CCDC91: variants seen among roughly 807,000 people sequenced by gnomAD.
The protein encoded by CCDC91 is coiled-coil domain containing 91.
In CCDC91, 48 loss-of-function variants were observed where a neutral mutation model predicts 63.2. That is an observed-to-expected ratio of 0.76 (90% CI 0.60 to 0.97). The LOEUF (loss-of-function observed/expected upper bound fraction) is 0.97. CCDC91 is among the 50% of genes least tolerant of loss of function. The pLI, the probability that CCDC91 is intolerant of heterozygous loss-of-function variation, is 0.00. For synonymous variants in CCDC91, 167 were observed against 165.8 expected, an observed-to-expected ratio of 1.01 and a Z score of -0.06; for missense variants, 500 against 494.6, an observed-to-expected ratio of 1.01 and a Z score of -0.10.
At chr12:28,288,286 C>G (rs1411295538) in intron 3 of CCDC91, among the ~76,000 whole-genome samples, 1 of 152,142 alleles carries the variant, frequency 6.6e-6, no homozygotes, top group African/African-American at 2.4e-5. Flanking sequence ...TGCTGGATTT[C>G]AAGGGAAATG....
intron 9 of CCDC91, 32 bp from the exon 10 acceptor site, chr12:28,450,318 A>G: frequency 6.3e-7 from 1 of 1,593,818 alleles, no homozygotes. Context: ...TAATACATTT[A>G]ATGTCTTTCC....
chr12:28,409,174 T>C (rs1947158124), intron 8 of CCDC91, among the ~76,000 whole-genome samples: 1 of 152,216 alleles, frequency 6.6e-6, no homozygotes, highest in African/African-American at 2.4e-5. Context: ...TGCTTGATCA[T>C]AAGAAGAAAG....
intron 8 of CCDC91, among the ~76,000 whole-genome samples, chr12:28,444,354 T>G (rs1239095950): frequency 6.6e-6 from 1 of 152,198 alleles, no homozygotes; most frequent in Non-Finnish European, 1.5e-5. Context: ...GGTAAGATTA[T>G]ATGAATGTAA....
At chr12:28,350,628 C>T (rs1340931866) in intron 6 of CCDC91, among the ~76,000 whole-genome samples, 1 of 152,166 alleles carries the variant, frequency 6.6e-6, no homozygotes. Flanking sequence ...GATTGAAATA[C>T]AGGAAATCTA....
At chr12:28,463,165 A>G (rs1345376671) in intron 11 of CCDC91, among the ~76,000 whole-genome samples, 1 of 152,222 alleles carries the variant, frequency 6.6e-6, no homozygotes, top group Non-Finnish European at 1.5e-5. Context: ...AATTGTTCCA[A>G]TTTGAGATCG....
intron 1 of CCDC91, among the ~76,000 whole-genome samples, chr12:28,247,058 A>G (rs1945787522): frequency 6.6e-6 from 1 of 152,220 alleles, no homozygotes; most frequent in Admixed American, 6.5e-5. Context: ...GCCCAGAGAA[A>G]GCGTAGTGAT....
chr12:28,223,001 A>G (rs1429075357), intron 1 of CCDC91, among the ~76,000 whole-genome samples: 1 of 152,142 alleles, frequency 6.6e-6, no homozygotes, highest in Non-Finnish European at 1.5e-5. Flanking sequence ...TGGAAATTAT[A>G]TGTGTTCTTT....
chr12:28,249,530 T>C (rs1382091240), intron 1 of CCDC91, among the ~76,000 whole-genome samples: 1 of 152,200 alleles, frequency 6.6e-6, no homozygotes, highest in African/African-American at 2.4e-5. Flanking sequence ...GTCTCTGTGC[T>C]TAAAGAATGA....
chr12:28,315,939 T>G (rs531275126), intron 6 of CCDC91, among the ~76,000 whole-genome samples: 1 of 152,088 alleles, frequency 6.6e-6, no homozygotes, highest in South Asian at 2.1e-4. Context: ...AGATTATTTC[T>G]TGGAGGCCTT....
intron 1 of CCDC91, among the ~76,000 whole-genome samples, chr12:28,254,686 A>C (rs1422680337): frequency 6.6e-6 from 1 of 152,086 alleles, no homozygotes; most frequent in Non-Finnish European, 1.5e-5. Context: ...ATTTCTCTAG[A>C]ATTATATGTT....
chr12:28,202,720 A>T (rs11613987), intron 1 of CCDC91, among the ~76,000 whole-genome samples: 39,632 of 152,014 alleles, frequency 0.26, 5,410 homozygotes, highest in Non-Finnish European at 0.31. Context: ...AGCTTAGGTC[A>T]CCTTTTCAAT....
At chr12:28,200,787 G>T (rs1942177967) in intron 1 of CCDC91, among the ~76,000 whole-genome samples, 1 of 151,724 alleles carries the variant, frequency 6.6e-6, no homozygotes, top group Non-Finnish European at 1.5e-5. Context: ...ATGAGCTGTT[G>T]GGTACACCTC....
intron 1 of CCDC91, among the ~76,000 whole-genome samples, chr12:28,235,144 G>A: frequency 6.6e-6 from 1 of 152,084 alleles, no homozygotes; most frequent in East Asian, 1.9e-4. Flanking sequence ...CATAAGACAG[G>A]AAGTGGAAGG....
In CCDC91 at chr12:28,428,049, C is replaced by G. The variant is rs1948422359; in HGVS notation, c.763-22112C>G. ...AAGTATAAACTAATCAGAACCAGAG[C>G]TGAACACTTCTGAATACAATTGTTA... On this transcript the variant is annotated intron_variant, in intron 8 of 12. Transcript: ENST00000536442. 5.9e-5 allele frequency among the ~76,000 whole-genome samples: 9 copies of G among 152,216 alleles called. No homozygotes were observed. In the South Asian group the frequency reaches 1.9e-3, roughly 32 times the overall value.
intron 8 of CCDC91, among the ~76,000 whole-genome samples, chr12:28,398,725 AT>A (rs1263986878): frequency 1.3e-5 from 2 of 152,026 alleles, no homozygotes; most frequent in Non-Finnish European, 2.9e-5. Context: ...GGGGTGTGGT[AT>A]TTCATCTCAT....
chr12:28,408,001 T>A (rs1296380284), intron 8 of CCDC91, among the ~76,000 whole-genome samples: 1 of 151,152 alleles, frequency 6.6e-6, no homozygotes, highest in Non-Finnish European at 1.5e-5. Context: ...AGTTCTGGGA[T>A]ACATGTGCAG....
Position 28,518,247 on chromosome 12 carries a change from A to G in CCDC91, c.1216-30816A>G, listed in dbSNP as rs1034680197. Among the ~76,000 whole-genome samples the G allele has an allele frequency of 5.3e-5, 8 of 151,960 alleles. 1 individual carries two copies. Among genetic ancestry groups the G allele is most frequent in the African/African-American group, 1.9e-4 (8 of 41,408 alleles). On this transcript the variant is annotated intron_variant, in intron 12 of 12. Coordinates refer to ENST00000536442, the MANE Select transcript of CCDC91 (RefSeq NM_018318.5). ...AGTGGTTGTACTAGTTTACATTCTC[A>G]CTAGCAGTGTAGAAGTGTTCTCTGT... is the stretch of plus-strand genomic sequence containing the variant.
chr12:28,301,751 GA>G (rs1938102354), intron 3 of CCDC91, among the ~76,000 whole-genome samples: 2 of 151,070 alleles, frequency 1.3e-5, no homozygotes, highest in South Asian at 2.1e-4. Context: ...TTTAAAAGTT[GA>G]AAAAAATATT....
At chr12:28,512,847 T>C (rs1302118065) in intron 12 of CCDC91, among the ~76,000 whole-genome samples, 1 of 151,912 alleles carries the variant, frequency 6.6e-6, no homozygotes, top group Non-Finnish European at 1.5e-5. Flanking sequence ...GAATGGTCAT[T>C]GGTTAGGAAA....
Sources: allele counts gnomAD v4.1 joint callset (sites outside exome capture counted in the v4.1 genomes callset), GRCh38; gene constraint gnomAD v4.1.1; transcripts MANE v1.5; gene names NCBI Gene and HGNC (gene_info 2026-07-23, HGNC 2026-07-21).